RSPO2: variants seen among roughly 807,000 people sequenced by gnomAD.
RSPO2 encodes the protein R-spondin 2.
A neutral mutation model predicts 30.9 loss-of-function variants in RSPO2; 14 were observed. The ratio of observed to expected loss-of-function variants is 0.45; its 90% confidence interval spans 0.30 to 0.71. The LOEUF is 0.71. Among genes scored for constraint, RSPO2 ranks in the 30% least tolerant of loss-of-function variants. The probability of loss-of-function intolerance (pLI) is 0.08; values close to 1 mark genes in which losing one functional copy is unlikely to be tolerated. For missense variants in RSPO2, 264 were observed against 301.9 expected, an observed-to-expected ratio of 0.87 and a Z score of 0.93; for synonymous variants, 107 against 96.4, an observed-to-expected ratio of 1.11 and a Z score of -0.64.
chr8:108,037,333 C>G (rs1196034162), intron 2 of RSPO2, among the ~76,000 whole-genome samples: 2 of 152,158 alleles, frequency 1.3e-5, no homozygotes, highest in African/African-American at 4.8e-5. Context: ...TCCTTTAAGC[C>G]AAAGCCTAAT....
chr8:107,945,669 T>C (rs1224071777), intron 5 of RSPO2, among the ~76,000 whole-genome samples: 1 of 152,196 alleles, frequency 6.6e-6, no homozygotes, highest in Non-Finnish European at 1.5e-5. Context: ...CCAATGTTCA[T>C]ATTTTAGCTC....
intron 2 of RSPO2, among the ~76,000 whole-genome samples, chr8:108,049,089 G>A (rs1035652934): frequency 2.6e-5 from 4 of 151,788 alleles, no homozygotes; most frequent in African/African-American, 9.7e-5. Flanking sequence ...TTACTTCTGA[G>A]GCCTGTCGGA....
chr8:107,984,569 T>C (rs1814562433), intron 3 of RSPO2, among the ~76,000 whole-genome samples: 1 of 152,200 alleles, frequency 6.6e-6, no homozygotes, highest in African/African-American at 2.4e-5. Flanking sequence ...AGGAACCAAA[T>C]TATTATGCTT....
intron 2 of RSPO2, among the ~76,000 whole-genome samples, chr8:108,066,441 C>A (rs567770701): frequency 3.2e-4 from 45 of 139,016 alleles, no homozygotes; most frequent in African/African-American, 1.5e-4. Flanking sequence ...TTAGCAAAAA[C>A]CAACAAGTCT....
In RSPO2 at chr8:107,915,739, G is replaced by A. The variant is rs570539200; in HGVS notation, c.617-14549C>T. Among the ~76,000 whole-genome samples, 47 of 152,246 alleles carry A rather than the reference G, an allele frequency of 3.1e-4. 1 individual carries two copies. The highest frequency in any genetic ancestry group is 3.4e-3 in the Middle Eastern group (1 of 294). ...GAGTTCAACAGGCCTGTCTTGGGACGACTATCCACTCTTCGCAGGTGACTA... is the reference window on the plus strand; with the variant it reads ...GAGTTCAACAGGCCTGTCTTGGGACAACTATCCACTCTTCGCAGGTGACTA... On this transcript the variant is annotated intron_variant, in intron 5 of 5. Coordinates refer to ENST00000276659, the MANE Select transcript of RSPO2 (RefSeq NM_178565.5).
chr8:107,928,890 T>C (rs1812465594), intron 5 of RSPO2, among the ~76,000 whole-genome samples: 1 of 152,226 alleles, frequency 6.6e-6, no homozygotes, highest in Admixed American at 6.6e-5. Context: ...GTGGTGATGG[T>C]AGTTGGTGGT....
rs869040336 is a variant in RSPO2 at position 108,003,311 on chromosome 8, A to AT, written c.95-14068dup. On this transcript the variant is annotated intron_variant, in intron 2 of 5. Coordinates refer to ENST00000276659, the MANE Select transcript of RSPO2 (RefSeq NM_178565.5). Reference sequence around the variant, plus strand: ...TATATATATATATATATATATATATATTTTTTTTTTTTTTTTTTTTTTTTT... The same window carrying AT: ...TATATATATATATATATATATATATATTTTTTTTTTTTTTTTTTTTTTTTTT... Among the ~76,000 whole-genome samples the AT allele has an allele frequency of 2.8e-4, 8 of 29,036 alleles. No individual in the cohort carries two copies. The East Asian group carries it at 4.4e-3, about 16-fold the overall frequency. The allele number at this position is 29,036 out of a possible 152,430, so 19.0% of individuals were successfully genotyped here.
intron 2 of RSPO2, among the ~76,000 whole-genome samples, chr8:108,081,312 GTCC>G (rs1813186660): frequency 6.6e-6 from 1 of 152,170 alleles, no homozygotes; most frequent in Non-Finnish European, 1.5e-5. Context: ...GGTTCGGAAA[GTCC>G]TCCTCAAAAT....
At chr8:108,048,651 T>C (rs917136674) in intron 2 of RSPO2, among the ~76,000 whole-genome samples, 1 of 152,132 alleles carries the variant, frequency 6.6e-6, no homozygotes, top group African/African-American at 2.4e-5. Context: ...TGAAGGGTTT[T>C]TTGTGTCTCT....
intron 5 of RSPO2, among the ~76,000 whole-genome samples, chr8:107,901,419 A>G (rs1586522712): frequency 6.6e-6 from 1 of 152,366 alleles, no homozygotes; most frequent in East Asian, 1.9e-4. Context: ...GGGAACTGGC[A>G]TATTGAAAAA....
intron 5 of RSPO2, among the ~76,000 whole-genome samples, chr8:107,930,627 T>C (rs1812524222): frequency 6.6e-6 from 1 of 152,210 alleles, no homozygotes; most frequent in Admixed American, 6.5e-5. Context: ...TAAAATTATA[T>C]AGTCATGGTT....
intron 2 of RSPO2, among the ~76,000 whole-genome samples, chr8:108,004,368 C>T (rs948683438): frequency 3.3e-5 from 5 of 152,212 alleles, no homozygotes; most frequent in Admixed American, 3.3e-4. Context: ...ATGGGCCACT[C>T]TCCTCACTGT....
At chr8:108,065,569 G>T (rs892950163) in intron 2 of RSPO2, among the ~76,000 whole-genome samples, 3 of 150,726 alleles carry the variant, frequency 2.0e-5, no homozygotes, top group Non-Finnish European at 4.4e-5. Context: ...CAATAGTAAT[G>T]ATTCAAAGCA....
At position 107,901,913 on chromosome 8, in the gene RSPO2, A is replaced by C. The variant is rs529849104; in HGVS notation, c.617-723T>G. Among the ~76,000 whole-genome samples the C allele has an allele frequency of 2.4e-4, 37 of 152,340 alleles. 1 individual carries two copies. Among genetic ancestry groups the C allele is most frequent in the Middle Eastern group, 6.8e-3 (2 of 294 alleles). Reference sequence around the variant, plus strand: ...CTTTGCCTTAGCCACTAGGAAGCCCAGGCTACAAGCTAACTAGTTGAGGTT... The same window carrying C: ...CTTTGCCTTAGCCACTAGGAAGCCCCGGCTACAAGCTAACTAGTTGAGGTT... On this transcript the variant is annotated intron_variant, in intron 5 of 5. Coordinates refer to ENST00000276659, the MANE Select transcript of RSPO2 (RefSeq NM_178565.5).
intron 5 of RSPO2, among the ~76,000 whole-genome samples, chr8:107,904,169 G>A (rs539037030): frequency 1.7e-3 from 256 of 151,966 alleles, no homozygotes; most frequent in African/African-American, 5.7e-3. Context: ...CTGTGGATGC[G>A]GGATTAGACT....
At chr8:107,995,793 A>T (rs949090809) in intron 2 of RSPO2, among the ~76,000 whole-genome samples, 1 of 151,848 alleles carries the variant, frequency 6.6e-6, no homozygotes, top group African/African-American at 2.4e-5. Context: ...GGCCTTTATC[A>T]CTTCTCATTT....
rs372700746 is a variant in RSPO2, at chr8:108,064,052, G to A, written c.94+18493C>T. Among the ~76,000 whole-genome samples, 38 of 152,154 alleles carry A rather than the reference G, an allele frequency of 2.5e-4. No homozygotes were observed. In the East Asian group the frequency reaches 2.7e-3, roughly 11 times the overall value. ...TTCAAGATGGATTAAAGACTTAAACGTTAGACCTAAAACCATAAAAACCCT... is the reference window on the plus strand; with the variant it reads ...TTCAAGATGGATTAAAGACTTAAACATTAGACCTAAAACCATAAAAACCCT... On this transcript the variant is annotated intron_variant, in intron 2 of 5. Coordinates refer to ENST00000276659, the MANE Select transcript of RSPO2 (RefSeq NM_178565.5).
intron 3 of RSPO2, among the ~76,000 whole-genome samples, chr8:107,973,354 G>A (rs1814074389): frequency 6.6e-6 from 1 of 152,030 alleles, no homozygotes; most frequent in South Asian, 2.1e-4. Flanking sequence ...GGTTTTGTCA[G>A]TTTTGTCTGT....
intron 2 of RSPO2, among the ~76,000 whole-genome samples, chr8:108,019,752 C>G (rs1355566068): frequency 6.6e-6 from 1 of 152,098 alleles, no homozygotes; most frequent in Non-Finnish European, 1.5e-5. Flanking sequence ...GAGTGCTTTT[C>G]AAAGAAATAA....
Sources: gnomAD v4.1 joint callset for allele counts (sites outside exome capture counted in the v4.1 genomes callset) on GRCh38, gnomAD v4.1.1 for gene constraint, MANE v1.5 for transcripts, NCBI Gene and HGNC (gene_info 2026-07-23, HGNC 2026-07-21) for gene names.